ALX4: variants seen among roughly 807,000 people sequenced by gnomAD.
ALX4 encodes the protein ALX homeobox 4.
Under a neutral mutation model 40.6 loss-of-function variants are expected in ALX4, and 22 were observed. The ratio of observed to expected loss-of-function variants is 0.54; its 90% CI spans 0.39 to 0.77. The LOEUF (loss-of-function observed/expected upper bound fraction) is 0.77. Ranked by LOEUF, ALX4 falls within the 30% of genes least tolerant of loss-of-function variation. ALX4 has a pLI of 0.00. For synonymous variants in ALX4, 266 were observed against 240.5 expected (o/e 1.11, Z -0.98); for missense variants, 556 against 564.8 (o/e 0.98, Z 0.16).
intron 1 of ALX4, among the ~76,000 whole-genome samples, chr11:44,304,261 C>A (rs1206773384): frequency 3.3e-5 from 5 of 152,266 alleles, no homozygotes; most frequent in African/African-American, 9.6e-5. Context: ...CCAGGTGGCG[C>A]CTGGCAGGCG....
chr11:44,273,904 G>C (rs1956262859), intron 2 of ALX4, among the ~76,000 whole-genome samples: 1 of 152,152 alleles, frequency 6.6e-6, no homozygotes, highest in African/African-American at 2.4e-5. Context: ...AGTGAGCCAT[G>C]ATCACACCAC....
chr11:44,300,934 G>T (rs562722334), intron 1 of ALX4, among the ~76,000 whole-genome samples: 1 of 152,184 alleles, frequency 6.6e-6, no homozygotes, highest in Non-Finnish European at 1.5e-5. Flanking sequence ...CCCTGGTGGC[G>T]CCTGCACGCC....
At position 44,310,120 on chromosome 11, in the gene ALX4, C is replaced by G; in HGVS notation, c.-58G>C. 6.6e-7 allele frequency: 1 copy of G among 1,518,254 alleles called. No individual in the cohort carries two copies. 94.0% of individuals were successfully genotyped at this position (1,518,254 alleles called of 1,614,324 possible). ...GAGCGAGGGCGCGAGGACGCCACCG[C>G]GCGCCTTGGCTGGGAGTTTGGGGAG... On this transcript the variant is annotated 5_prime_UTR_variant, in exon 1 of 4. Coordinates refer to ENST00000652299, the MANE Select transcript of ALX4 (RefSeq NM_021926.4).
At chr11:44,272,379 C>T (rs1956253237) in intron 2 of ALX4, among the ~76,000 whole-genome samples, 1 of 152,014 alleles carries the variant, frequency 6.6e-6, no homozygotes, top group South Asian at 2.1e-4. Flanking sequence ...TGGTGCACAC[C>T]TGTAATCCCA....
At chr11:44,299,877 G>A (rs1447159953) in intron 1 of ALX4, among the ~76,000 whole-genome samples, 1 of 152,208 alleles carries the variant, frequency 6.6e-6, no homozygotes, top group Non-Finnish European at 1.5e-5. Context: ...ACGAAATGGG[G>A]ATGATAATAG....
Position 44,262,090 on chromosome 11 carries a change from G to C in ALX4, c.*2764C>G, listed in dbSNP as rs765560684. ...AGGGGAGCTCCATGCAGCACCGGCC[G>C]CCCCTGGTGCCAACGAAGCCCAGGC... On this transcript the variant is annotated 3_prime_UTR_variant, in exon 4 of 4. Coordinates refer to ENST00000652299, the MANE Select transcript of ALX4 (RefSeq NM_021926.4). 2 of 152,348 alleles carry C rather than the reference G, an allele frequency of 1.3e-5. No homozygotes were observed. The highest frequency in any genetic ancestry group is 2.9e-5 in the Non-Finnish European group (2 of 68,184). The allele number at this position is 152,348 out of a possible 1,614,324, so 9.4% of individuals were successfully genotyped here.
chr11:44,302,382 C>T (rs973334164), intron 1 of ALX4, among the ~76,000 whole-genome samples: 15 of 152,222 alleles, frequency 9.9e-5, no homozygotes, highest in African/African-American at 3.6e-4. Flanking sequence ...ACACAAACAC[C>T]TAAGCTGGCT....
chr11:44,265,491 C>T (rs1188325537), intron 3 of ALX4, among the ~76,000 whole-genome samples: 1 of 152,140 alleles, frequency 6.6e-6, no homozygotes, highest in African/African-American at 2.4e-5. Context: ...TATTTTTAGA[C>T]TCAACTGTAG....
chr11:44,261,116 A>G lies in ALX4; in HGVS notation c.*3738T>C, dbSNP rs972120441. 3 of 152,094 alleles carry G rather than the reference A, an allele frequency of 2.0e-5. No individual in the cohort carries two copies. The highest frequency in any genetic ancestry group is 2.4e-5 in the African/African-American group (1 of 41,400). The allele number at this position is 152,094 out of a possible 1,614,324, so 9.4% of individuals were successfully genotyped here. A position where few individuals can be genotyped will look rare whatever the true frequency, so the allele number is the denominator to read the frequency against. ...TTATTTTTTAACTGGATAGTCACAGAGTATTATCCTGGGGGCCAGTTTACC... is the reference window on the plus strand; with the variant it reads ...TTATTTTTTAACTGGATAGTCACAGGGTATTATCCTGGGGGCCAGTTTACC... On this transcript the variant is annotated 3_prime_UTR_variant, in exon 4 of 4. Coordinates refer to ENST00000652299, the MANE Select transcript of ALX4 (RefSeq NM_021926.4).
intron 2 of ALX4, among the ~76,000 whole-genome samples, chr11:44,267,835 C>G (rs1047432998): frequency 4.0e-4 from 61 of 152,308 alleles, no homozygotes; most frequent in African/African-American, 1.4e-3. Flanking sequence ...ATCTTACCCC[C>G]ACTAGCCATG....
At chr11:44,275,212 C>T (rs1044105613) in intron 2 of ALX4, 136 bp downstream of exon 2, 5 of 897,894 alleles carry the variant, frequency 5.6e-6, no homozygotes, top group Non-Finnish European at 8.9e-6. Flanking sequence ...GGAGCCCCCA[C>T]TTTCAGGTTC....
chr11:44,287,503 C>T (rs1243380575), intron 1 of ALX4, among the ~76,000 whole-genome samples: 1 of 151,396 alleles, frequency 6.6e-6, no homozygotes, highest in Non-Finnish European at 1.5e-5. Context: ...TGGTTCATGC[C>T]TGTAATCCCA....
intron 1 of ALX4, among the ~76,000 whole-genome samples, chr11:44,278,511 C>G (rs1177726755): frequency 6.6e-6 from 1 of 152,148 alleles, no homozygotes; most frequent in Non-Finnish European, 1.5e-5. Flanking sequence ...GGCAGCCTCT[C>G]AGCACTGAGC....
At chr11:44,265,280 A>T (rs895187864) in intron 3 of ALX4, 97 bp from the exon 4 acceptor site, 9 of 1,162,088 alleles carry the variant, frequency 7.7e-6, no homozygotes, top group Non-Finnish European at 1.1e-5. Context: ...CTCACTGTCC[A>T]TCCTTCCCAT....
chr11:44,264,595 G>T lies in ALX4; in HGVS notation c.*259C>A. On this transcript the variant is annotated 3_prime_UTR_variant, in exon 4 of 4. Transcript: ENST00000652299. ...TCATGGATGCGAAGCTGAAAAACGTGGCCACCTGGCTTTCTCCACTGCCTG... is the reference window on the plus strand; with the variant it reads ...TCATGGATGCGAAGCTGAAAAACGTTGCCACCTGGCTTTCTCCACTGCCTG... The T allele has an allele frequency of 1.7e-6, 1 of 573,276 alleles. No individual in the cohort carries two copies. 35.5% of individuals were successfully genotyped at this position (573,276 alleles called of 1,614,324 possible).
chr11:44,288,203 A>G (rs1460546418), intron 1 of ALX4, among the ~76,000 whole-genome samples: 1 of 152,032 alleles, frequency 6.6e-6, no homozygotes. Context: ...CTTACTGTTA[A>G]ATGATACAGC....
chr11:44,309,197 C>CGCAGCCCT (rs1956489461), intron 1 of ALX4, among the ~76,000 whole-genome samples: 1 of 148,772 alleles, frequency 6.7e-6, no homozygotes, highest in Non-Finnish European at 1.5e-5. Flanking sequence ...CCCGCAGCCC[C>CGCAGCCCT]GCAGCCCCGC....
At chr11:44,269,906 T>C (rs1956235275) in intron 2 of ALX4, among the ~76,000 whole-genome samples, 1 of 152,072 alleles carries the variant, frequency 6.6e-6, no homozygotes, top group Admixed American at 6.5e-5. Flanking sequence ...TGGGGGAAGC[T>C]GGGGGGAGGG....
rs10742699 is a variant in ALX4, at chr11:44,267,739, A to G, written c.778-117T>C. ...CCATCAGTTGCAGTGCGTTTGGGAA[A>G]CGGTGCGGCCACACATAAATATCAA... On this transcript the variant is annotated intron_variant, in intron 2 of 3. Transcript: ENST00000652299. 1,208,400 of 1,424,272 alleles carry G rather than the reference A, an allele frequency of 0.85. 514,774 individuals are homozygous for G. Among genetic ancestry groups the G allele is most frequent in the Admixed American group, 0.88 (52,522 of 59,504 alleles). 88.2% of individuals were successfully genotyped at this position (1,424,272 alleles called of 1,614,324 possible). A position where few individuals can be genotyped will look rare whatever the true frequency, so the allele number is the denominator to read the frequency against.
Sources: gnomAD v4.1 joint callset for allele counts (sites outside exome capture counted in the v4.1 genomes callset) on GRCh38, gnomAD v4.1.1 for gene constraint, MANE v1.5 for transcripts, NCBI Gene and HGNC (gene_info 2026-07-23, HGNC 2026-07-21) for gene names.